The following SASH1 variants were observed in gnomAD, a reference collection of about 807,000 sequenced individuals.
The protein encoded by SASH1 is SAM and SH3 domain-containing protein 1.
In SASH1, 44 loss-of-function variants were observed where a neutral mutation model predicts 125.2. That is an observed-to-expected ratio of 0.35 (90% CI 0.28 to 0.45). The LOEUF (loss-of-function observed/expected upper bound fraction) is 0.45, where lower values mean the gene tolerates loss of function less well. Among genes scored for constraint, SASH1 ranks in the 20% least tolerant of loss-of-function variants. The probability of loss-of-function intolerance (pLI) is 1.00; values close to 1 mark genes in which losing one functional copy is unlikely to be tolerated. For synonymous variants in SASH1, 639 were observed against 649.1 expected, an observed-to-expected ratio of 0.98 and a Z score of 0.24; for missense variants, 1,426 against 1,614.5, an observed-to-expected ratio of 0.88 and a Z score of 2.00.
intron 12 of SASH1, among the ~76,000 whole-genome samples, chr6:148,528,015 C>T (rs1013497851): frequency 1.4e-5 from 2 of 145,384 alleles, no homozygotes; most frequent in African/African-American, 2.6e-5. Context: ...GTAGACTTGT[C>T]GATCATAGCA....
intron 7 of SASH1, among the ~76,000 whole-genome samples, chr6:148,486,637 C>T (rs895870740): frequency 3.3e-5 from 5 of 149,554 alleles, no homozygotes; most frequent in African/African-American, 4.9e-5. Context: ...GTTTCAGGGT[C>T]GGGTATGGTG....
intron 1 of SASH1, among the ~76,000 whole-genome samples, chr6:148,293,884 A>G (rs1283156305): frequency 6.6e-6 from 1 of 152,220 alleles, no homozygotes; most frequent in Non-Finnish European, 1.5e-5. Flanking sequence ...GAACTTGGGA[A>G]ATATTTCTTA....
chr6:148,419,573 G>A (rs902127229), intron 2 of SASH1, among the ~76,000 whole-genome samples: 9 of 152,150 alleles, frequency 5.9e-5, no homozygotes, highest in East Asian at 1.9e-4. Flanking sequence ...TGGGGATGCC[G>A]TCCGCCCTCC....
At chr6:148,239,666 C>T in the SASH1 span, among the ~76,000 whole-genome samples, 1 of 150,724 alleles carries the variant, frequency 6.6e-6, no homozygotes, top group Non-Finnish European at 1.5e-5. Context: ...AAAGTAGCAC[C>T]TTGCTAATCA....
In SASH1 at chr6:148,533,092, C is replaced by A; in HGVS notation, c.1734+126C>A. ...AGACTGGACAGTATCTTGGCTACCT[C>A]GATCACTGGTCTCCTCTGTAGTGAA... On this transcript the variant is annotated intron_variant, in intron 14 of 19. Coordinates refer to ENST00000367467, the MANE Select transcript of SASH1 (RefSeq NM_015278.5). The surrounding 1 kb of genome is among the most constrained non-coding windows in gnomAD (Gnocchi z 6.2). 2.0e-6 allele frequency: 2 copies of A among 1,018,436 alleles called. No homozygotes were observed. Among genetic ancestry groups the A allele is most frequent in the Non-Finnish European group, 2.9e-6 (2 of 683,790 alleles). 63.1% of individuals were successfully genotyped at this position (1,018,436 alleles called of 1,614,324 possible). A position where few individuals can be genotyped will look rare whatever the true frequency, so the allele number is the denominator to read the frequency against.
chr6:148,442,497 T>C (rs1179710265), intron 4 of SASH1, among the ~76,000 whole-genome samples: 2 of 151,956 alleles, frequency 1.3e-5, no homozygotes, highest in African/African-American at 4.8e-5. Flanking sequence ...CACCAGTTGT[T>C]GACATTTGCA....
At chr6:148,265,650 C>G in the SASH1 span, among the ~76,000 whole-genome samples, 1 of 152,144 alleles carries the variant, frequency 6.6e-6, no homozygotes, top group Non-Finnish European at 1.5e-5. Context: ...TCCAACTTGG[C>G]CTGATTCACT....
intron 4 of SASH1, among the ~76,000 whole-genome samples, chr6:148,457,630 C>G (rs1777421339): frequency 6.6e-6 from 1 of 152,150 alleles, no homozygotes; most frequent in African/African-American, 2.4e-5. Flanking sequence ...TAAGCCAGAC[C>G]AATGCTTTGT....
At chr6:148,411,163 C>A (rs12055815) in intron 2 of SASH1, among the ~76,000 whole-genome samples, 1 of 44,980 alleles carries the variant, frequency 2.2e-5, no homozygotes, top group Non-Finnish European at 4.0e-5. Flanking sequence ...GAAACTCCAT[C>A]TCCAAAAAAA....
intron 4 of SASH1, among the ~76,000 whole-genome samples, chr6:148,441,221 A>G (rs1039187406): frequency 1.3e-5 from 2 of 152,214 alleles, no homozygotes; most frequent in Admixed American, 1.3e-4. Flanking sequence ...TTAGGCATCA[A>G]GTATTTCTGG....
intron 2 of SASH1, among the ~76,000 whole-genome samples, chr6:148,396,804 G>A (rs1287272764): frequency 6.6e-6 from 1 of 152,174 alleles, no homozygotes; most frequent in African/African-American, 2.4e-5. Flanking sequence ...TACCTGGCAA[G>A]TGAGGTAACC....
intron 1 of SASH1, among the ~76,000 whole-genome samples, chr6:148,330,689 G>A (rs1339159984): frequency 6.6e-6 from 1 of 152,046 alleles, no homozygotes; most frequent in East Asian, 1.9e-4. Flanking sequence ...CAGTTCAAGC[G>A]ATTCTCCTGC....
intron 2 of SASH1, among the ~76,000 whole-genome samples, chr6:148,416,807 A>G (rs1401648107): frequency 1.3e-5 from 2 of 152,234 alleles, no homozygotes; most frequent in Admixed American, 6.5e-5. Flanking sequence ...GGTTTTTGCC[A>G]CACAAGGCCA....
At chr6:148,547,020 T>C (rs1782614209) in intron 19 of SASH1, among the ~76,000 whole-genome samples, 1 of 152,200 alleles carries the variant, frequency 6.6e-6, no homozygotes, top group African/African-American at 2.4e-5. Context: ...CAAATTTCTT[T>C]TTCCTTCACA....
In SASH1 at chr6:148,361,404, C is replaced by A. The variant is rs183215313; in HGVS notation, c.156+18181C>A. On this transcript the variant is annotated intron_variant, in intron 1 of 19. Transcript: ENST00000367467. Reference sequence around the variant, plus strand: ...CCTGAGGTCAGGAGTTTGAGACCAGCCCAGCCTGACCAGCATGGAGAAACC... The same window carrying A: ...CCTGAGGTCAGGAGTTTGAGACCAGACCAGCCTGACCAGCATGGAGAAACC... Among the ~76,000 whole-genome samples the A allele has an allele frequency of 2.0e-5, 3 of 152,202 alleles. No individual in the cohort carries two copies. The East Asian group carries it at 5.8e-4, about 29-fold the overall frequency.
chr6:148,267,551 TG>T (rs1227637509), upstream of SASH1, among the ~76,000 whole-genome samples: 8 of 152,114 alleles, frequency 5.3e-5, no homozygotes, highest in Admixed American at 1.3e-4. Flanking sequence ...GCTAATTTTT[TG>T]TATTTTTAGT....
chr6:148,395,013 T>G (rs1458254519), intron 2 of SASH1, among the ~76,000 whole-genome samples: 2 of 152,232 alleles, frequency 1.3e-5, no homozygotes, highest in African/African-American at 2.4e-5. Flanking sequence ...TGAAATAACC[T>G]GTTAAAAGCA....
chr6:148,356,514 T>TTTTTTTTA (rs1781947002), intron 1 of SASH1, among the ~76,000 whole-genome samples: 9 of 138,608 alleles, frequency 6.5e-5, no homozygotes, highest in East Asian at 2.1e-4. Flanking sequence ...TTTTTTTTTT[T>TTTTTTTTA]GAGACTGGGT....
chr6:148,408,188 A>G (rs1390603397), intron 2 of SASH1, among the ~76,000 whole-genome samples: 30 of 140,170 alleles, frequency 2.1e-4, no homozygotes, highest in African/African-American at 7.8e-4. Flanking sequence ...TGTCACTGCA[A>G]CCTCCTACTC....
Sources: gnomAD v4.1 joint callset for allele counts (sites outside exome capture counted in the v4.1 genomes callset) on GRCh38, gnomAD v4.1.1 for gene constraint, Gnocchi (gnomAD v3.1) non-coding constraint, MANE v1.5 for transcripts, NCBI Gene and HGNC (gene_info 2026-07-23, HGNC 2026-07-21) for gene names.